The following TRIM32 variants were observed in gnomAD, a reference collection of about 807,000 sequenced individuals.
TRIM32 encodes E3 ubiquitin-protein ligase TRIM32.
Under a neutral mutation model 36.0 loss-of-function variants are expected in TRIM32, and 19 were observed. The ratio of observed to expected loss-of-function variants is 0.53; its 90% confidence interval spans 0.37 to 0.77. The LOEUF is 0.77. Ranked by LOEUF, TRIM32 falls within the 30% of genes least tolerant of loss-of-function variation. The pLI is 0.00. For synonymous variants in TRIM32, 309 were observed against 318.5 expected, an observed-to-expected ratio of 0.97 and a Z score of 0.32; for missense variants, 747 against 845.2, an observed-to-expected ratio of 0.88 and a Z score of 1.44.
At position 116,699,731 on chromosome 9, in the gene TRIM32, G is replaced by A. The variant is rs1861080099; in HGVS notation, c.*27G>A. 1.9e-6 allele frequency: 3 copies of A among 1,614,080 alleles called. No homozygotes were observed. Among genetic ancestry groups the A allele is most frequent in the Non-Finnish European group, 1.7e-6 (2 of 1,180,010 alleles). ...GGATGAGAAATTATCAGTTTCTTCT[G>A]CTCCCAAGCCAACTTCCCTTCCCTT... On this transcript the variant is annotated 3_prime_UTR_variant, in exon 2 of 2. Coordinates refer to ENST00000450136, the MANE Select transcript of TRIM32 (RefSeq NM_012210.4). This position sits in a 1 kb window ranked among gnomAD's most constrained non-coding sequence, Gnocchi z 4.2.
chr9:116,699,509 C>T lies in TRIM32; in HGVS notation c.1767C>T (p.Leu589=), dbSNP rs775844916. ...AGMCVDARGD[L]IVADSSRKEI... is the part of the protein sequence containing the mutation. Reference sequence around the variant, plus strand: ...TGTGTGTGGATGCTCGTGGTGATCTCATCGTGGCTGACAGTAGTCGCAAGG... The same window carrying T: ...TGTGTGTGGATGCTCGTGGTGATCTTATCGTGGCTGACAGTAGTCGCAAGG... Residue 589 remains leucine (L), a synonymous_variant, in exon 2 of 2, where the codon CTC becomes CTT. Coordinates refer to ENST00000450136, the MANE Select transcript of TRIM32 (RefSeq NM_012210.4). The surrounding 1 kb of genome is among the most constrained non-coding windows in gnomAD (Gnocchi z 4.2). 3 of 1,613,678 alleles carry T rather than the reference C, an allele frequency of 1.9e-6. No individual in the cohort carries two copies. Among genetic ancestry groups the T allele is most frequent in the Non-Finnish European group, 1.7e-6 (2 of 1,179,928 alleles).
At chr9:116,690,720 A>G (rs1435549957) in intron 1 of TRIM32, among the ~76,000 whole-genome samples, 1 of 152,048 alleles carries the variant, frequency 6.6e-6, no homozygotes, top group Non-Finnish European at 1.5e-5. Flanking sequence ...TCTATTACTT[A>G]TTGGTTTTGA....
In TRIM32 at chr9:116,698,654, A is replaced by C. The variant is rs1861012247; in HGVS notation, c.912A>C (p.Glu304Asp). Reference protein sequence around the residue: ...AVKKPRTVNVEDSWAMEATAS... With the variant: ...AVKKPRTVNVDDSWAMEATAS... ...AGAAGCCCCGGACAGTTAACGTGGA[A>C]GATTCCTGGGCCATGGAGGCCACAG... The change falls in exon 2 of 2, where the codon GAA becomes GAC. Residue 304 changes from glutamate (E) to aspartate (D), a missense_variant. By Grantham distance (45) the Glu-to-Asp change is conservative. Transcript: ENST00000450136. This position sits in a 1 kb window ranked among gnomAD's most constrained non-coding sequence, Gnocchi z 4.4. 12 of 1,614,056 alleles carry C rather than the reference A, an allele frequency of 7.4e-6. No individual in the cohort carries two copies. In the East Asian group the frequency reaches 2.7e-4, roughly 36 times the overall value.
intron 1 of TRIM32, among the ~76,000 whole-genome samples, chr9:116,696,342 C>T (rs1860850265): frequency 6.6e-6 from 1 of 152,126 alleles, no homozygotes. Context: ...GCATTCTATA[C>T]ACTCTATATA....
At chr9:116,692,118 G>T (rs1482160419) in intron 1 of TRIM32, among the ~76,000 whole-genome samples, 4 of 152,152 alleles carry the variant, frequency 2.6e-5, no homozygotes, top group African/African-American at 9.7e-5. Flanking sequence ...CTCCAGTTTT[G>T]CTCATGGCCT....
chr9:116,695,495 A>G (rs187391824), intron 1 of TRIM32, among the ~76,000 whole-genome samples: 13 of 152,344 alleles, frequency 8.5e-5, no homozygotes, highest in Admixed American at 8.5e-4. Flanking sequence ...GTATATCTCT[A>G]CATTAACTCC....
intron 1 of TRIM32, among the ~76,000 whole-genome samples, chr9:116,695,310 A>G (rs1218786039): frequency 1.3e-5 from 2 of 152,202 alleles, no homozygotes; most frequent in Non-Finnish European, 2.9e-5. Context: ...AAGCATATAA[A>G]GTATCTGTCA....
At position 116,699,074 on chromosome 9, in the gene TRIM32, G is replaced by T. The variant is rs780303807; in HGVS notation, c.1332G>T (p.Val444=). Residue 444 remains valine (V), a synonymous_variant, in exon 2 of 2, where the codon GTG becomes GTT. Transcript: ENST00000450136. The surrounding 1 kb of genome is among the most constrained non-coding windows in gnomAD (Gnocchi z 4.2). ...VAMNCQGLIG[V]TDSYDNSLKV... The stretch of plus-strand genomic sequence containing the variant: ...TGAACTGCCAGGGGCTGATTGGTGT[G>T]ACTGACAGCTATGATAACTCCCTCA... 2.5e-6 allele frequency: 4 copies of T among 1,613,996 alleles called. No individual in the cohort carries two copies. The highest frequency in any genetic ancestry group is 3.4e-6 in the Non-Finnish European group (4 of 1,179,978).
At chr9:116,689,761 T>A (rs1230235448) in intron 1 of TRIM32, among the ~76,000 whole-genome samples, 2 of 152,162 alleles carry the variant, frequency 1.3e-5, no homozygotes, top group Admixed American at 1.3e-4. Context: ...CCCTGGACTT[T>A]GTTCTTGGTT....
rs1348454539 is a variant in TRIM32 at position 116,699,721 on chromosome 9, A to AGTT, written c.*18_*20dup. ...ACCCCATAGGGGATGAGAAATTATC[A>AGTT]GTTTCTTCTGCTCCCAAGCCAACTT... On this transcript the variant is annotated 3_prime_UTR_variant, in exon 2 of 2. Coordinates refer to ENST00000450136, the MANE Select transcript of TRIM32 (RefSeq NM_012210.4). The surrounding 1 kb of genome is among the most constrained non-coding windows in gnomAD (Gnocchi z 4.2). 6.2e-7 allele frequency: 1 copy of AGTT among 1,614,198 alleles called. No homozygotes were observed. Among genetic ancestry groups the AGTT allele is most frequent in the Admixed American group, 1.7e-5 (1 of 60,034 alleles).
chr9:116,694,038 A>G (rs530869339), intron 1 of TRIM32, among the ~76,000 whole-genome samples: 2 of 152,314 alleles, frequency 1.3e-5, no homozygotes, highest in East Asian at 1.9e-4. Context: ...TGAGGGGAAC[A>G]CAGGTTTTCC....
In TRIM32 at chr9:116,698,443, A is replaced by C; in HGVS notation, c.701A>C (p.Gln234Pro). The change falls in exon 2 of 2, where the codon CAG becomes CCG. Residue 234 changes from glutamine to proline, a missense_variant. By Grantham distance (76) the Gln-to-Pro change is moderately conservative. Transcript: ENST00000450136. This position sits in a 1 kb window ranked among gnomAD's most constrained non-coding sequence, Gnocchi z 4.4. The stretch of plus-strand genomic sequence containing the variant: ...TACCTGCTTAACATTGCAGAGGTGC[A>C]GGCTGTGTCTCGCTGTGACTACTTC... Reference protein sequence around the residue: ...QSYLLNIAEVQAVSRCDYFLA... With the variant: ...QSYLLNIAEVPAVSRCDYFLA... 1.2e-6 allele frequency: 2 copies of C among 1,614,086 alleles called. No homozygotes were observed. The highest frequency in any genetic ancestry group is 1.7e-6 in the Non-Finnish European group (2 of 1,180,022).
rs1860976225 is a variant in TRIM32 at position 116,698,191 on chromosome 9, G to A, written c.449G>A (p.Gly150Glu). Residue 150 changes from glycine (G) to glutamate (E), a missense_variant, in exon 2 of 2, where the codon GGA (glycine) becomes GAA (glutamate). Coordinates refer to ENST00000450136, the MANE Select transcript of TRIM32 (RefSeq NM_012210.4). The surrounding 1 kb of genome is among the most constrained non-coding windows in gnomAD (Gnocchi z 4.4). ...EAAEERRRDF[G>E]EKLTRLRELM... ...GCTGAGGAGCGGCGTCGGGACTTTG[G>A]AGAGAAGTTAACTCGTCTGCGGGAA... is the stretch of plus-strand genomic sequence containing the variant. 1.2e-6 allele frequency: 2 copies of A among 1,614,170 alleles called. No homozygotes were observed. The highest frequency in any genetic ancestry group is 1.1e-5 in the South Asian group (1 of 91,084).
In TRIM32 at chr9:116,700,371, A is replaced by G. The variant is rs959389227; in HGVS notation, c.*667A>G. The G allele has an allele frequency of 6.0e-6, 1 of 167,486 alleles. No homozygotes were observed. The highest frequency in any genetic ancestry group is 1.5e-5 in the Non-Finnish European group (1 of 68,436). 10.4% of individuals were successfully genotyped at this position (167,486 alleles called of 1,614,324 possible). The stretch of plus-strand genomic sequence containing the variant: ...AGATGTGACAGAATGGATTGACCCT[A>G]GTTGGTTGGTATTGATGACTTCAGC... On this transcript the variant is annotated 3_prime_UTR_variant, in exon 2 of 2. Transcript: ENST00000450136.
In TRIM32 at chr9:116,699,429, C is replaced by A; in HGVS notation, c.1687C>A (p.Arg563Ser). The A allele has an allele frequency of 6.2e-7, 1 of 1,614,134 alleles. No homozygotes were observed. The highest frequency in any genetic ancestry group is 8.5e-7 in the Non-Finnish European group (1 of 1,180,028). ...TGTAGGCCCTGATGGGCAGCTGGGTCGCCAGATTAGCCACTTCTTCTCGGA... is the reference window on the plus strand; with the variant it reads ...TGTAGGCCCTGATGGGCAGCTGGGTAGCCAGATTAGCCACTTCTTCTCGGA... ...GSVGPDGQLG[R>S]QISHFFSENE... The change falls in exon 2 of 2, where the codon CGC becomes AGC. Residue 563 changes from arginine (R) to serine (S), a missense_variant. Transcript: ENST00000450136. This position sits in a 1 kb window ranked among gnomAD's most constrained non-coding sequence, Gnocchi z 4.2.
At chr9:116,695,898 T>C (rs1860823379) in intron 1 of TRIM32, among the ~76,000 whole-genome samples, 1 of 152,174 alleles carries the variant, frequency 6.6e-6, no homozygotes, top group Admixed American at 6.5e-5. Context: ...GGCACTGCTA[T>C]TTTTTAAATC....
At chr9:116,694,756 C>CTTA (rs1860757951) in intron 1 of TRIM32, among the ~76,000 whole-genome samples, 1 of 151,830 alleles carries the variant, frequency 6.6e-6, no homozygotes. Context: ...CAGGCATGAG[C>CTTA]CACCACGCCT....
chr9:116,692,715 T>G (rs1206254317), intron 1 of TRIM32, among the ~76,000 whole-genome samples: 4 of 152,140 alleles, frequency 2.6e-5, no homozygotes, highest in African/African-American at 9.7e-5. Flanking sequence ...TGATTTGTGG[T>G]CTTAATTTCC....
intron 1 of TRIM32, 52 bp from the exon 2 acceptor site, chr9:116,697,610 A>T (rs1860930543): frequency 8.6e-7 from 1 of 1,169,036 alleles, no homozygotes; most frequent in Non-Finnish European, 1.2e-6. Context: ...TCTTGAGTGA[A>T]TTTATTTATA....
Sources: gnomAD v4.1 joint callset for allele counts (sites outside exome capture counted in the v4.1 genomes callset) on GRCh38, gnomAD v4.1.1 for gene constraint, Gnocchi (gnomAD v3.1) non-coding constraint, MANE v1.5 for transcripts, NCBI Gene and HGNC (gene_info 2026-07-23, HGNC 2026-07-21) for gene names.